TBXAS1: variants seen among roughly 807,000 people sequenced by gnomAD.
TBXAS1 encodes thromboxane A synthase 1, also known as thromboxane-A synthase.
In TBXAS1, 48 loss-of-function variants were observed where a neutral mutation model predicts 60.7. The ratio of observed to expected loss-of-function variants is 0.79; its 90% CI spans 0.63 to 1.01. The LOEUF is 1.01. Among genes scored for constraint, TBXAS1 ranks in the 50% least tolerant of loss-of-function variants. The pLI, the probability that TBXAS1 is intolerant of heterozygous loss-of-function variation, is 0.00. For missense variants in TBXAS1, 685 were observed against 686.3 expected (o/e 1.00, Z 0.02); for synonymous variants, 287 against 269.7 (o/e 1.06, Z -0.63).
intron 9 of TBXAS1, among the ~76,000 whole-genome samples, chr7:140,001,995 T>C (rs1377773622): frequency 1.3e-5 from 2 of 152,216 alleles, no homozygotes; most frequent in East Asian, 3.8e-4. Flanking sequence ...TCCACTTGTT[T>C]GCATCCTGAT....
intron 9 of TBXAS1, among the ~76,000 whole-genome samples, chr7:139,987,248 A>G (rs1812559705): frequency 1.3e-5 from 2 of 152,076 alleles, no homozygotes; most frequent in Non-Finnish European, 1.5e-5. Context: ...CGAGGTTGAG[A>G]ACCATTGGGA....
intron 3 of TBXAS1, among the ~76,000 whole-genome samples, chr7:139,785,233 G>A (rs1797150476): frequency 6.6e-6 from 1 of 152,004 alleles, no homozygotes; most frequent in South Asian, 2.1e-4. Context: ...CTGGACCTAA[G>A]CTCTCTTCTG....
At chr7:139,974,554 G>A (rs934168861) in intron 9 of TBXAS1, among the ~76,000 whole-genome samples, 4 of 152,174 alleles carry the variant, frequency 2.6e-5, no homozygotes, top group Admixed American at 1.3e-4. Context: ...GCAATGTGAC[G>A]TGGATCACTC....
At position 139,945,196 on chromosome 7, in the gene TBXAS1, G is replaced by A. The variant is rs145319492; in HGVS notation, c.451-8172G>A. Among the ~76,000 whole-genome samples the A allele has an allele frequency of 5.1e-4, 77 of 152,364 alleles. No homozygotes were observed. In the Middle Eastern group the frequency reaches 0.024, roughly 47 times the overall value. On this transcript the variant is annotated intron_variant, in intron 5 of 12. Transcript: ENST00000448866. ...CAATGATCTGACACTTCCCTGCACT[G>A]AGCTAAGAATTTGGCTGCTCTCTCC... is the stretch of plus-strand genomic sequence containing the variant.
At chr7:140,001,761 T>C (rs866926010) in intron 9 of TBXAS1, among the ~76,000 whole-genome samples, 2 of 152,242 alleles carry the variant, frequency 1.3e-5, no homozygotes, top group Admixed American at 1.3e-4. Flanking sequence ...TGTTCATTCC[T>C]TGAGAGCATC....
rs527430024 is a variant in TBXAS1, at chr7:139,798,150, G to A, written c.-80+10724G>A. ...AGACAATGAGATTCAAGCAAGTGCT[G>A]TTCTAAATCTCTGAGCTCTGTAGGG... is the stretch of plus-strand genomic sequence containing the variant. On this transcript the variant is annotated intron_variant, in intron 4 of 16. Transcript: ENST00000336425. 4.6e-5 allele frequency among the ~76,000 whole-genome samples: 7 copies of A among 152,282 alleles called. No homozygotes were observed. The East Asian group carries it at 1.3e-3, about 29-fold the overall frequency.
At chr7:139,968,421 A>C (rs935142186) in intron 9 of TBXAS1, among the ~76,000 whole-genome samples, 2 of 152,068 alleles carry the variant, frequency 1.3e-5, no homozygotes, top group Admixed American at 1.3e-4. Flanking sequence ...CAGCCTCCCA[A>C]GTAGCTGGAA....
chr7:140,018,779 A>G (rs1815303841), intron 12 of TBXAS1, among the ~76,000 whole-genome samples: 1 of 152,192 alleles, frequency 6.6e-6, no homozygotes. Context: ...TGTCATATTC[A>G]TTGTTGGACT....
intron 5 of TBXAS1, among the ~76,000 whole-genome samples, chr7:139,952,014 A>G (rs11762754): frequency 0.4 from 16,000 of 40,066 alleles, 4,431 homozygotes; most frequent in Admixed American, 0.52. Context: ...AAGAAAGAAA[A>G]AGAAAGGAAG....
At chr7:140,018,886 G>A (rs777382739) in intron 12 of TBXAS1, among the ~76,000 whole-genome samples, 1 of 152,070 alleles carries the variant, frequency 6.6e-6, no homozygotes, top group Non-Finnish European at 1.5e-5. Flanking sequence ...AGAGATGAGA[G>A]AAACGGGGGT....
At chr7:139,841,424 A>G (rs1420531457) in intron 1 of TBXAS1, among the ~76,000 whole-genome samples, 5 of 152,182 alleles carry the variant, frequency 3.3e-5, no homozygotes, top group Non-Finnish European at 7.3e-5. Context: ...AATACATTTT[A>G]AAGGCATGGA....
rs367994010 is a variant in TBXAS1, at chr7:139,801,282, A to C, written c.-80+13856A>C. 7.2e-5 allele frequency among the ~76,000 whole-genome samples: 11 copies of C among 152,160 alleles called. No homozygotes were observed. The East Asian group carries it at 1.9e-3, about 27-fold the overall frequency. On this transcript the variant is annotated intron_variant, in intron 4 of 16. Coordinates refer to the TBXAS1 transcript ENST00000336425. ...TCTAAATCTAGGTCTGTTTTTTATT[A>C]ATTTGGGCTAACATATGATGAGCTT...
intron 9 of TBXAS1, among the ~76,000 whole-genome samples, chr7:139,964,939 G>T (rs982872687): frequency 1.3e-5 from 2 of 152,162 alleles, no homozygotes; most frequent in East Asian, 3.9e-4. Context: ...GTTAGGCCAG[G>T]CACAGTGGCT....
chr7:139,845,362 T>C (rs1051948768), intron 1 of TBXAS1, among the ~76,000 whole-genome samples: 1 of 152,060 alleles, frequency 6.6e-6, no homozygotes, highest in African/African-American at 2.4e-5. Flanking sequence ...GGTGCCTGGC[T>C]CCCAGGTGCT....
At chr7:139,858,247 G>A (rs139398938) in intron 1 of TBXAS1, among the ~76,000 whole-genome samples, 10 of 152,296 alleles carry the variant, frequency 6.6e-5, no homozygotes, top group African/African-American at 1.2e-4. Flanking sequence ...CATGGCTCTC[G>A]TTTATTGTGC....
intron 9 of TBXAS1, among the ~76,000 whole-genome samples, chr7:139,997,400 A>T (rs1384033331): frequency 6.6e-6 from 1 of 152,208 alleles, no homozygotes; most frequent in Non-Finnish European, 1.5e-5. Flanking sequence ...AAAAAACAGA[A>T]TCCTAAATAT....
chr7:139,881,193 A>T (rs144149973), intron 3 of TBXAS1, among the ~76,000 whole-genome samples: 2 of 152,240 alleles, frequency 1.3e-5, no homozygotes, highest in East Asian at 3.9e-4. Context: ...TGCCTTAAAT[A>T]GTTTCTCCTC....
At chr7:139,905,073 C>CTCTCTCTT (rs1554487253) in intron 3 of TBXAS1, among the ~76,000 whole-genome samples, 3 of 102,618 alleles carry the variant, frequency 2.9e-5, no homozygotes, top group African/African-American at 1.4e-4. Context: ...CTCTCTCTCT[C>CTCTCTCTT]TCTTTCTCTT....
rs66551791 is a variant in TBXAS1, at chr7:139,951,593, T to TAAAAAAAAAAAAAA, written c.451-1758_451-1745dup. Among the ~76,000 whole-genome samples the TAAAAAAAAAAAAAA allele has an allele frequency of 2.6e-4, 17 of 66,310 alleles. 1 individual carries two copies. Among genetic ancestry groups the TAAAAAAAAAAAAAA allele is most frequent in the African/African-American group, 1.0e-3 (17 of 16,246 alleles). 43.5% of individuals were successfully genotyped at this position (66,310 alleles called of 152,430 possible). A position where few individuals can be genotyped will look rare whatever the true frequency, so the allele number is the denominator to read the frequency against. Reference sequence around the variant, plus strand: ...CAACATGGTGGAATCCCGTCTCTACTAAAAAAAAAAAAAAAAAAAAAAAAA... The same window carrying TAAAAAAAAAAAAAA: ...CAACATGGTGGAATCCCGTCTCTACTAAAAAAAAAAAAAAAAAAAAAAAAAAAAAAAAAAAAAAA... On this transcript the variant is annotated intron_variant, in intron 5 of 12. Transcript: ENST00000448866.
Sources: gnomAD v4.1 joint callset for allele counts (sites outside exome capture counted in the v4.1 genomes callset) on GRCh38, gnomAD v4.1.1 for gene constraint, MANE v1.5 for transcripts, NCBI Gene and HGNC (gene_info 2026-07-23, HGNC 2026-07-21) for gene names.